Variants in RALGAPA2 observed in about 807,000 individuals in gnomAD.
RALGAPA2 encodes the protein ral GTPase-activating protein subunit alpha-2.
In RALGAPA2, 139 loss-of-function variants were observed where a neutral mutation model predicts 230.4. The observed-to-expected ratio is 0.60, with a 90% CI of 0.53 to 0.69. The LOEUF (loss-of-function observed/expected upper bound fraction) is 0.69, where lower values mean the gene tolerates loss of function less well. Ranked by LOEUF, RALGAPA2 falls within the 30% of genes least tolerant of loss-of-function variation. RALGAPA2 has a pLI of 0.00. For missense variants in RALGAPA2, 2,163 were observed against 2,276.0 expected, an observed-to-expected ratio of 0.95 and a Z score of 1.01; for synonymous variants, 847 against 837.8, an observed-to-expected ratio of 1.01 and a Z score of -0.19.
At chr20:20,584,555 A>G (rs1050241245) in intron 19 of RALGAPA2, among the ~76,000 whole-genome samples, 28 of 152,350 alleles carry the variant, frequency 1.8e-4, no homozygotes, top group African/African-American at 5.8e-4. Flanking sequence ...AAAAGTGGGA[A>G]GATGGCTTGA....
At chr20:20,670,777 G>A (rs941868007) in intron 3 of RALGAPA2, among the ~76,000 whole-genome samples, 1 of 151,750 alleles carries the variant, frequency 6.6e-6, no homozygotes, top group Non-Finnish European at 1.5e-5. Flanking sequence ...GTGAAACCCT[G>A]TCTCTACTAA....
In RALGAPA2 at chr20:20,455,681, G is replaced by A. The variant is rs573583806; in HGVS notation, c.5495+17148C>T. 4.6e-5 allele frequency among the ~76,000 whole-genome samples: 7 copies of A among 152,198 alleles called. No homozygotes were observed. The South Asian group carries it at 1.2e-3, about 27-fold the overall frequency. ...AGAGGTTCACCAGAGCCATCAGGCC[G>A]GCTCTTACTATAAAAAGACACAATC... On this transcript the variant is annotated intron_variant, in intron 37 of 39. Transcript: ENST00000202677.
rs1225616506 is a variant in RALGAPA2, at chr20:20,512,508, G to T, written c.4856+5C>A. On this transcript the variant is annotated splice_donor_5th_base_variant and intron_variant, in intron 32 of 39. Coordinates refer to ENST00000202677, the MANE Select transcript of RALGAPA2 (RefSeq NM_020343.4). ...AATAACTGGAGGTCTAGCTTGGATT[G>T]TTACCTTCTGTCCCAAGAATTCATT... The T allele has an allele frequency of 6.3e-7, 1 of 1,583,764 alleles. No individual in the cohort carries two copies.
In RALGAPA2 at chr20:20,391,498, G is replaced by A. The variant is rs2059602593; in HGVS notation, c.*1791C>T. ...GGCCTGGCCTGCAATCCCCTATAAA[G>A]CAGAAAAGCAAATTCTCGCCAGGAT... On this transcript the variant is annotated 3_prime_UTR_variant, in exon 40 of 40. Transcript: ENST00000202677. The A allele has an allele frequency of 6.6e-6, 1 of 152,172 alleles. No homozygotes were observed. Among genetic ancestry groups the A allele is most frequent in the Non-Finnish European group, 1.5e-5 (1 of 68,044 alleles). The allele number at this position is 152,172 out of a possible 1,614,324, so 9.4% of individuals were successfully genotyped here.
At chr20:20,589,776 CAA>C (rs1382380972) in intron 17 of RALGAPA2, among the ~76,000 whole-genome samples, 5 of 150,326 alleles carry the variant, frequency 3.3e-5, no homozygotes, top group Non-Finnish European at 5.9e-5. Flanking sequence ...GACGAAAGCA[CAA>C]ATAACCAGTT....
chr20:20,620,478 C>T lies in RALGAPA2; in HGVS notation c.1386G>A (p.Glu462=). 1 of 1,613,720 alleles carries T rather than the reference C, an allele frequency of 6.2e-7. No individual in the cohort carries two copies. ...AAAAAATTACCTCCTTGCTATCAGT[C>T]TCGGAAAATCCTAATTTTTCAGCAT... ...QEDAEKLGFS[E]TDSKEASSES... is the part of the protein sequence containing the mutation. The change falls in exon 11 of 40, where the codon GAG becomes GAA. Residue 462 remains glutamate, a synonymous_variant. Coordinates refer to ENST00000202677, the MANE Select transcript of RALGAPA2 (RefSeq NM_020343.4).
At chr20:20,584,440 T>A (rs928500210) in intron 19 of RALGAPA2, among the ~76,000 whole-genome samples, 1 of 152,154 alleles carries the variant, frequency 6.6e-6, no homozygotes, top group Admixed American at 6.5e-5. Flanking sequence ...TTTTATTATA[T>A]GTATGGATGA....
intron 10 of RALGAPA2, among the ~76,000 whole-genome samples, chr20:20,625,483 A>G (rs900513434): frequency 6.6e-6 from 1 of 152,228 alleles, no homozygotes; most frequent in Non-Finnish European, 1.5e-5. Context: ...AAACAACCTA[A>G]TGAACAAACA....
intron 37 of RALGAPA2, among the ~76,000 whole-genome samples, chr20:20,418,761 C>G (rs975111782): frequency 7.7e-6 from 1 of 129,730 alleles, no homozygotes; most frequent in Admixed American, 7.9e-5. Flanking sequence ...TATTTATAGA[C>G]AGGGTCTCAC....
chr20:20,572,446 C>CAAA (rs397964870), intron 21 of RALGAPA2, among the ~76,000 whole-genome samples: 2 of 101,736 alleles, frequency 2.0e-5, no homozygotes. Flanking sequence ...GACTCCATTT[C>CAAA]AAAAAAAAAA....
At chr20:20,671,554 C>A (rs937397389) in intron 3 of RALGAPA2, among the ~76,000 whole-genome samples, 7 of 152,196 alleles carry the variant, frequency 4.6e-5, no homozygotes, top group Non-Finnish European at 7.3e-5. Context: ...ATACAAATTA[C>A]AACCTACCTT....
At chr20:20,465,443 C>T (rs2061400480) in intron 37 of RALGAPA2, among the ~76,000 whole-genome samples, 1 of 152,086 alleles carries the variant, frequency 6.6e-6, no homozygotes, top group Non-Finnish European at 1.5e-5. Flanking sequence ...GGGGTCATCC[C>T]AGTGGGAAGC....
In RALGAPA2 at chr20:20,555,094, G is replaced by T. The variant is rs562676506; in HGVS notation, c.3157-8262C>A. Among the ~76,000 whole-genome samples the T allele has an allele frequency of 3.9e-5, 6 of 152,268 alleles. No homozygotes were observed. The South Asian group carries it at 1.0e-3, about 26-fold the overall frequency. On this transcript the variant is annotated intron_variant, in intron 23 of 39. Coordinates refer to ENST00000202677, the MANE Select transcript of RALGAPA2 (RefSeq NM_020343.4). ...ACACAGAACCATTTTGAGTTAATTT[G>T]TGTATATGGTGTGAGGTAGGGGTCC...
At chr20:20,648,437 T>C (rs910232823) in intron 4 of RALGAPA2, among the ~76,000 whole-genome samples, 3 of 152,172 alleles carry the variant, frequency 2.0e-5, no homozygotes, top group South Asian at 2.1e-4. Flanking sequence ...ATGGTAGTAA[T>C]GATTTCATAT....
intron 16 of RALGAPA2, among the ~76,000 whole-genome samples, chr20:20,592,960 C>CA (rs963655650): frequency 2.0e-5 from 3 of 151,742 alleles, no homozygotes; most frequent in Non-Finnish European, 4.4e-5. Context: ...GCTCTGTTGC[C>CA]AGGTTGGAGT....
chr20:20,600,205 A>G (rs1385848057), intron 16 of RALGAPA2, among the ~76,000 whole-genome samples: 2 of 152,124 alleles, frequency 1.3e-5, no homozygotes, highest in Non-Finnish European at 2.9e-5. Context: ...CTGAGGCAGG[A>G]GAATCGCTTG....
At chr20:20,393,904 G>A (rs1258043538) in intron 39 of RALGAPA2, among the ~76,000 whole-genome samples, 1 of 152,202 alleles carries the variant, frequency 6.6e-6, no homozygotes, top group Admixed American at 6.5e-5. Flanking sequence ...GCAACACCAA[G>A]CCACTGTTGC....
chr20:20,699,825 TG>T (rs1441838051), intron 1 of RALGAPA2, among the ~76,000 whole-genome samples: 6 of 152,110 alleles, frequency 3.9e-5, no homozygotes, highest in African/African-American at 1.4e-4. Context: ...GGTGAGGCTG[TG>T]GAGAAAAGGG....
At chr20:20,701,151 T>C (rs1208641524) in intron 1 of RALGAPA2, among the ~76,000 whole-genome samples, 1 of 152,256 alleles carries the variant, frequency 6.6e-6, no homozygotes, top group Admixed American at 6.5e-5. Flanking sequence ...CAAATGCTGA[T>C]TCTGCCACTC....
Sources: gnomAD v4.1 joint callset for allele counts (sites outside exome capture counted in the v4.1 genomes callset) on GRCh38, gnomAD v4.1.1 for gene constraint, MANE v1.5 for transcripts, NCBI Gene and HGNC (gene_info 2026-07-23, HGNC 2026-07-21) for gene names.